The following TSPEAR variants were observed in gnomAD, a reference collection of about 807,000 sequenced individuals.
TSPEAR encodes the protein thrombospondin type laminin G domain and EAR repeats, also known as thrombospondin-type laminin G domain and EAR repeat-containing protein.
Under a neutral mutation model 71.6 loss-of-function variants are expected in TSPEAR, and 69 were observed. The ratio of observed to expected loss-of-function variants is 0.96; its 90% CI spans 0.79 to 1.18. TSPEAR has a LOEUF of 1.18. Ranked by LOEUF, TSPEAR falls within the 50% of genes most tolerant of loss-of-function variation. TSPEAR has a pLI of 0.00. For synonymous variants in TSPEAR, 402 were observed against 387.2 expected (o/e 1.04, Z -0.45); for missense variants, 971 against 894.9 (o/e 1.09, Z -1.09).
intron 1 of TSPEAR, chr21:44,690,449 TCAAACAAA>T (rs1424901328): frequency 2.8e-6 from 2 of 714,218 alleles, no homozygotes; most frequent in African/African-American, 3.9e-5. Context: ...TTCCAGAAAA[TCAAACAAA>T]CAAACAAATG....
At chr21:44,652,350 G>A (rs1432647524) in intron 1 of TSPEAR, among the ~76,000 whole-genome samples, 2 of 152,160 alleles carry the variant, frequency 1.3e-5, no homozygotes, top group Non-Finnish European at 2.9e-5. Context: ...GACTCAGAGT[G>A]GACTGCTCAG....
At chr21:44,657,800 C>T (rs1365458639) in intron 1 of TSPEAR, 27 of 627,378 alleles carry the variant, frequency 4.3e-5, no homozygotes, top group Middle Eastern at 3.5e-4. Context: ...GAGCATGACG[C>T]GGGAAAGTAC....
intron 1 of TSPEAR, among the ~76,000 whole-genome samples, chr21:44,664,174 G>A (rs1167362099): frequency 1.3e-5 from 2 of 152,010 alleles, no homozygotes; most frequent in African/African-American, 4.8e-5. Flanking sequence ...TTACATTATT[G>A]TCTACCTAGA....
At chr21:44,574,707 T>A in intron 1 of TSPEAR, 1 of 1,609,152 alleles carries the variant, frequency 6.2e-7, no homozygotes. Flanking sequence ...CCAGCAGGGC[T>A]GCTGCGTGCC....
intron 11 of TSPEAR, 34 bp from the exon 12 acceptor site, chr21:44,499,970 G>T: frequency 6.4e-7 from 1 of 1,561,574 alleles, no homozygotes; most frequent in Non-Finnish European, 8.6e-7. Flanking sequence ...GGGTCAGCCT[G>T]GGCTCTGCGG....
intron 1 of TSPEAR, among the ~76,000 whole-genome samples, chr21:44,664,609 T>C (rs1451630199): frequency 1.3e-5 from 2 of 152,222 alleles, no homozygotes; most frequent in Non-Finnish European, 2.9e-5. Flanking sequence ...CCTAAACAAC[T>C]TCTTAAAAGA....
chr21:44,538,739 C>G (rs1284572367), intron 2 of TSPEAR, among the ~76,000 whole-genome samples: 2 of 152,130 alleles, frequency 1.3e-5, no homozygotes, highest in Non-Finnish European at 2.9e-5. Context: ...TGGAGAGCCC[C>G]ACAGCCCAGG....
chr21:44,557,650 G>A, intron 2 of TSPEAR: 1 of 237,632 alleles, frequency 4.2e-6, no homozygotes, highest in South Asian at 7.5e-5. Context: ...ACCCCGCACA[G>A]CGGGAAGTCA....
intron 9 of TSPEAR, among the ~76,000 whole-genome samples, chr21:44,513,603 G>A (rs1374176790): frequency 6.6e-6 from 1 of 152,210 alleles, no homozygotes; most frequent in Non-Finnish European, 1.5e-5. Flanking sequence ...GGATGATGGT[G>A]CTTCCGGGAC....
intron 1 of TSPEAR, chr21:44,698,098 C>T: frequency 2.3e-6 from 2 of 882,836 alleles, no homozygotes; most frequent in Non-Finnish European, 3.4e-6. Flanking sequence ...CCCCTAAGCC[C>T]TGGGGGCTCC....
At chr21:44,538,427 C>G (rs1047123437) in intron 2 of TSPEAR, among the ~76,000 whole-genome samples, 22 of 125,746 alleles carry the variant, frequency 1.7e-4, no homozygotes, top group Admixed American at 1.5e-3. Context: ...CTGCTGCCCC[C>G]CCCCCCCCCA....
chr21:44,536,769 T>C (rs1275217553), intron 2 of TSPEAR, among the ~76,000 whole-genome samples: 1 of 152,150 alleles, frequency 6.6e-6, no homozygotes, highest in Non-Finnish European at 1.5e-5. Flanking sequence ...AATGATGAGC[T>C]CATCTACATA....
At chr21:44,508,997 G>A in intron 10 of TSPEAR, 1 of 1,514,984 alleles carries the variant, frequency 6.6e-7, no homozygotes, top group Non-Finnish European at 8.9e-7. Flanking sequence ...CTGTGTCTCA[G>A]GGCGGCACTG....
chr21:44,551,846 G>C (rs587728685), intron 2 of TSPEAR, among the ~76,000 whole-genome samples: 159 of 152,264 alleles, frequency 1.0e-3, no homozygotes, highest in African/African-American at 3.6e-3. Flanking sequence ...CTCTGGGCCC[G>C]GGGGAGGCCC....
At chr21:44,529,699 C>G in intron 5 of TSPEAR, 99 bp downstream of exon 5, 2 of 1,390,112 alleles carry the variant, frequency 1.4e-6, no homozygotes, top group Non-Finnish European at 2.0e-6. Context: ...GGCAGGCACA[C>G]GAGAGGGGCT....
At chr21:44,508,845 G>T in intron 10 of TSPEAR, 1 of 1,396,336 alleles carries the variant, frequency 7.2e-7, no homozygotes. Context: ...CCTGCACCTC[G>T]CACCTGTCCC....
chr21:44,588,454 G>A (rs1356012194), intron 1 of TSPEAR, among the ~76,000 whole-genome samples: 1 of 152,004 alleles, frequency 6.6e-6, no homozygotes, highest in Non-Finnish European at 1.5e-5. Flanking sequence ...CAACCACTGT[G>A]GAATACAGTG....
intron 11 of TSPEAR, among the ~76,000 whole-genome samples, chr21:44,501,476 A>T (rs1245602348): frequency 6.6e-6 from 1 of 152,244 alleles, no homozygotes; most frequent in Non-Finnish European, 1.5e-5. Context: ...AGGTGCCTGT[A>T]GTCCCAGCTA....
At position 44,529,973 on chromosome 21, in the gene TSPEAR, C is replaced by T. The variant is rs1162939472; in HGVS notation, c.634-19G>A. The T allele has an allele frequency of 1.3e-6, 2 of 1,567,916 alleles. No individual in the cohort carries two copies. Among genetic ancestry groups the T allele is most frequent in the Non-Finnish European group, 1.7e-6 (2 of 1,163,290 alleles). ...CCAGTCCCTGCAGAGAGAGGGACAG[C>T]TCCTTCAGGCCCGCGCTGCTGGGGA... On this transcript the variant is annotated intron_variant, in intron 4 of 11. Coordinates refer to ENST00000323084, the MANE Select transcript of TSPEAR (RefSeq NM_144991.3).
Sources: gnomAD v4.1 joint callset for allele counts (sites outside exome capture counted in the v4.1 genomes callset) on GRCh38, gnomAD v4.1.1 for gene constraint, MANE v1.5 for transcripts, NCBI Gene and HGNC (gene_info 2026-07-23, HGNC 2026-07-21) for gene names.